Variants in ARHGAP12 observed in about 807,000 individuals in gnomAD.
The protein encoded by ARHGAP12 is Rho GTPase activating protein 12, also known as rho GTPase-activating protein 12.
In ARHGAP12, 64 loss-of-function variants were observed where a neutral mutation model predicts 108.6. The observed-to-expected ratio is 0.59, with a 90% CI of 0.48 to 0.73. ARHGAP12 has a LOEUF of 0.73. Among genes scored for constraint, ARHGAP12 ranks in the 30% least tolerant of loss-of-function variants. The pLI is 0.00. For missense variants in ARHGAP12, 940 were observed against 1,005.9 expected, an observed-to-expected ratio of 0.93 and a Z score of 0.89; for synonymous variants, 312 against 337.2, an observed-to-expected ratio of 0.93 and a Z score of 0.82.
At chr10:31,808,854 G>T in intron 18 of ARHGAP12, 103 bp from the exon 19 acceptor site, 2 of 1,361,834 alleles carry the variant, frequency 1.5e-6, no homozygotes, top group Non-Finnish European at 1.0e-6. Flanking sequence ...AGTGACATCT[G>T]GTGGTCACAT....
At chr10:31,858,461 T>C (rs924612482) in intron 4 of ARHGAP12, among the ~76,000 whole-genome samples, 7 of 152,122 alleles carry the variant, frequency 4.6e-5, no homozygotes, top group African/African-American at 1.4e-4. Context: ...CCCATACTTG[T>C]AGTCCCAGCT....
At chr10:31,880,384 G>A (rs973034908) in intron 3 of ARHGAP12, among the ~76,000 whole-genome samples, 2 of 151,998 alleles carry the variant, frequency 1.3e-5, no homozygotes, top group South Asian at 4.1e-4. Flanking sequence ...CAGGACAGGA[G>A]GACTGCTTGA....
intron 6 of ARHGAP12, among the ~76,000 whole-genome samples, chr10:31,847,174 C>A (rs1836493507): frequency 6.6e-6 from 1 of 152,094 alleles, no homozygotes; most frequent in African/African-American, 2.4e-5. Context: ...GACTTAAAAT[C>A]CTATGAGATA....
chr10:31,885,353 A>G (rs1428046064), intron 3 of ARHGAP12, among the ~76,000 whole-genome samples: 2 of 152,218 alleles, frequency 1.3e-5, no homozygotes, highest in African/African-American at 4.8e-5. Flanking sequence ...AACACACGTT[A>G]AGTATCTATC....
At chr10:31,830,515 GAACAGTTT>G (rs1265437170) in intron 10 of ARHGAP12, among the ~76,000 whole-genome samples, 4 of 151,646 alleles carry the variant, frequency 2.6e-5, no homozygotes, top group Non-Finnish European at 4.4e-5. Flanking sequence ...TTCTACCAAA[GAACAGTTT>G]AAGGGATACA....
At chr10:31,886,123 A>G (rs1838179072) in intron 3 of ARHGAP12, among the ~76,000 whole-genome samples, 1 of 152,234 alleles carries the variant, frequency 6.6e-6, no homozygotes, top group Non-Finnish European at 1.5e-5. Flanking sequence ...GCAACTGCTA[A>G]AGATATTCTA....
chr10:31,862,696 GCACACACAGACACACACACACA>G lies in ARHGAP12; in HGVS notation c.685-1060_685-1039del, dbSNP rs1336920507. ...TAACCACCAGATGACAGTGGCGCATGCACACACAGACACACACACACACACACACACACACACACACACACAC... is the reference window on the plus strand; with the variant it reads ...TAACCACCAGATGACAGTGGCGCATGCACACACACACACACACACACACAC... On this transcript the variant is annotated intron_variant, in intron 3 of 19. Transcript: ENST00000344936. Among the ~76,000 whole-genome samples, 136 of 122,266 alleles carry G rather than the reference GCACACACAGACACACACACACA, an allele frequency of 1.1e-3. 1 individual carries two copies. The East Asian group carries it at 0.03, about 27-fold the overall frequency. The allele number at this position is 122,266 out of a possible 152,430, so 80.2% of individuals were successfully genotyped here.
chr10:31,879,305 G>C (rs115645865), intron 3 of ARHGAP12, among the ~76,000 whole-genome samples: 2 of 152,106 alleles, frequency 1.3e-5, no homozygotes, highest in Non-Finnish European at 1.5e-5. Context: ...CCAGCTACTT[G>C]GGAAGCTGAG....
At chr10:31,860,307 T>C (rs1837066320) in intron 4 of ARHGAP12, among the ~76,000 whole-genome samples, 2 of 152,226 alleles carry the variant, frequency 1.3e-5, no homozygotes, top group East Asian at 1.9e-4. Flanking sequence ...TTGTACGAGC[T>C]AGCTGCTTTC....
rs1478225080 is a variant in ARHGAP12, at chr10:31,810,715, A to C, written c.1984T>G (p.Cys662Gly). Residue 662 changes from cysteine (C) to glycine (G), a missense_variant, in exon 16 of 20, where the codon TGT becomes GGT. Cys to Gly is a radical substitution (Grantham distance 159). Coordinates refer to ENST00000344936, the MANE Select transcript of ARHGAP12 (RefSeq NM_018287.7). ...QVFGSNLANL[C>G]QRENGTVPKF... ...GGTACTGTGCCATTCTCTCTCTGAC[A>C]CAGATTAGCGAGATTGGATCCAAAT... The C allele has an allele frequency of 6.2e-7, 1 of 1,609,604 alleles. No homozygotes were observed. The highest frequency in any genetic ancestry group is 8.5e-7 in the Non-Finnish European group (1 of 1,178,128).
At chr10:31,865,051 G>T (rs1837272073) in intron 3 of ARHGAP12, among the ~76,000 whole-genome samples, 1 of 152,148 alleles carries the variant, frequency 6.6e-6, no homozygotes, top group South Asian at 2.1e-4. Context: ...GTACTTTCAG[G>T]GAATGATGCT....
chr10:31,844,207 GTTTAAT>G (rs1836368633), intron 6 of ARHGAP12, among the ~76,000 whole-genome samples: 1 of 152,148 alleles, frequency 6.6e-6, no homozygotes, highest in South Asian at 2.1e-4. Context: ...AAGGTGTTTT[GTTTAAT>G]TTTAATTCAG....
intron 11 of ARHGAP12, among the ~76,000 whole-genome samples, chr10:31,821,378 T>C (rs151062916): frequency 3.3e-5 from 5 of 152,258 alleles, no homozygotes; most frequent in African/African-American, 4.8e-5. Context: ...ATCTTTAAAT[T>C]TGTTTAGTCT....
chr10:31,809,673 A>G (rs1834943212), intron 16 of ARHGAP12: 1 of 179,014 alleles, frequency 5.6e-6, no homozygotes, highest in African/African-American at 2.4e-5. Context: ...CATATTTTGC[A>G]TACCATTTTA....
At chr10:31,919,099 T>A (rs1352016222) in intron 1 of ARHGAP12, among the ~76,000 whole-genome samples, 12 of 152,216 alleles carry the variant, frequency 7.9e-5, no homozygotes, top group Admixed American at 7.2e-4. Flanking sequence ...GAAGACTATT[T>A]ATGCTTAGGG....
chr10:31,896,618 A>AG (rs1046803930), intron 3 of ARHGAP12, among the ~76,000 whole-genome samples: 27 of 152,280 alleles, frequency 1.8e-4, no homozygotes, highest in Middle Eastern at 3.4e-3. Context: ...TGTGATTATG[A>AG]GGGGGAAAAA....
intron 1 of ARHGAP12, among the ~76,000 whole-genome samples, chr10:31,922,361 C>T (rs563674239): frequency 6.6e-6 from 1 of 151,580 alleles, no homozygotes; most frequent in South Asian, 2.1e-4. Flanking sequence ...TTATGAACAA[C>T]TTTATGCCAA....
chr10:31,927,777 C>T (rs1002825601), intron 1 of ARHGAP12, among the ~76,000 whole-genome samples: 2 of 152,214 alleles, frequency 1.3e-5, no homozygotes, highest in Non-Finnish European at 2.9e-5. Context: ...AAGGGCGTGC[C>T]TTTTTCTCTA....
chr10:31,816,607 G>A (rs866193326), intron 13 of ARHGAP12, among the ~76,000 whole-genome samples: 33 of 152,244 alleles, frequency 2.2e-4, no homozygotes, highest in African/African-American at 7.2e-4. Context: ...TAAAATAGAA[G>A]GTGCATTTTG....
Sources: allele counts gnomAD v4.1 joint callset (sites outside exome capture counted in the v4.1 genomes callset), GRCh38; gene constraint gnomAD v4.1.1; transcripts MANE v1.5; gene names NCBI Gene and HGNC (gene_info 2026-07-23, HGNC 2026-07-21).